Variants in SIPA1L3 observed in about 807,000 individuals in gnomAD.
SIPA1L3 encodes signal induced proliferation associated 1 like 3.
A neutral mutation model predicts 150.1 loss-of-function variants in SIPA1L3; 59 were observed. That is an observed-to-expected ratio of 0.39 (90% CI 0.32 to 0.49). The LOEUF (loss-of-function observed/expected upper bound fraction) is 0.49. Among genes scored for constraint, SIPA1L3 ranks in the 20% least tolerant of loss-of-function variants. The pLI is 0.86. For missense variants in SIPA1L3, 2,211 were observed against 2,489.5 expected (o/e 0.89, Z 2.38); for synonymous variants, 1,070 against 1,077.6 (o/e 0.99, Z 0.14).
rs571106045 is a variant in SIPA1L3 at position 37,939,332 on chromosome 19, C to T, written c.-379+31974C>T. Among the ~76,000 whole-genome samples the T allele has an allele frequency of 5.1e-5, 7 of 137,646 alleles. No individual in the cohort carries two copies. In the East Asian group the frequency reaches 8.6e-4, roughly 17 times the overall value. 90.3% of individuals were successfully genotyped at this position (137,646 alleles called of 152,430 possible). On this transcript the variant is annotated intron_variant, in intron 1 of 21. Transcript: ENST00000222345. ...AGGAGAATTGCTTGAATCCAGGAGG[C>T]GGAGGCTGCAGTGAGCCGAGATTGC...
chr19:38,029,915 C>T (rs974415658), intron 2 of SIPA1L3, among the ~76,000 whole-genome samples: 4 of 149,148 alleles, frequency 2.7e-5, no homozygotes, highest in African/African-American at 7.4e-5. Context: ...AGTGCAGTGG[C>T]GCCATCTCAG....
At chr19:38,010,309 G>T (rs28403465) in intron 1 of SIPA1L3, among the ~76,000 whole-genome samples, 12 of 151,866 alleles carry the variant, frequency 7.9e-5, no homozygotes, top group African/African-American at 2.9e-4. Context: ...TTAGGAGGCT[G>T]AAGTGGGAGG....
intron 1 of SIPA1L3, chr19:37,907,642 G>T (rs2046345824): frequency 6.6e-6 from 1 of 152,246 alleles, no homozygotes; most frequent in South Asian, 2.1e-4. Flanking sequence ...GGAAAACCGC[G>T]CCGAACCTCA....
intron 9 of SIPA1L3, among the ~76,000 whole-genome samples, chr19:38,120,141 T>C (rs979428776): frequency 6.6e-6 from 1 of 152,022 alleles, no homozygotes; most frequent in Admixed American, 6.6e-5. Context: ...TGGACACTGA[T>C]AGAAAGTATA....
At chr19:38,078,617 C>T (rs372568179) in intron 2 of SIPA1L3, among the ~76,000 whole-genome samples, 12 of 151,832 alleles carry the variant, frequency 7.9e-5, no homozygotes, top group African/African-American at 2.4e-4. Flanking sequence ...GACACATACA[C>T]GCAGAAGAGG....
At chr19:38,001,377 A>G (rs371561848) in intron 1 of SIPA1L3, among the ~76,000 whole-genome samples, 23 of 152,118 alleles carry the variant, frequency 1.5e-4, no homozygotes, top group East Asian at 1.4e-3. Context: ...AAAGAACTCT[A>G]ATTCTTTTGT....
intron 15 of SIPA1L3, among the ~76,000 whole-genome samples, chr19:38,177,734 A>T (rs1349865211): frequency 6.7e-6 from 1 of 150,088 alleles, no homozygotes; most frequent in Admixed American, 6.7e-5. Flanking sequence ...GATCATAAGG[A>T]TATGCTTGCG....
At chr19:38,178,901 C>T (rs1972501898) in intron 15 of SIPA1L3, among the ~76,000 whole-genome samples, 1 of 152,198 alleles carries the variant, frequency 6.6e-6, no homozygotes, top group Non-Finnish European at 1.5e-5. Context: ...GACATCTCCT[C>T]ACCAATGCCT....
In SIPA1L3 at chr19:37,954,390, C is replaced by T. The variant is rs558449071; in HGVS notation, c.-379+47032C>T. On this transcript the variant is annotated intron_variant, in intron 1 of 21. Transcript: ENST00000222345. ...TATTGTTCACTAAAGGCTACTTCCCCGAAACCAATATTGATGTTGTGTGTT... is the reference window on the plus strand; with the variant it reads ...TATTGTTCACTAAAGGCTACTTCCCTGAAACCAATATTGATGTTGTGTGTT... 2.2e-3 allele frequency among the ~76,000 whole-genome samples: 334 copies of T among 152,100 alleles called. 1 individual carries two copies. The highest frequency in any genetic ancestry group is 3.4e-3 in the Non-Finnish European group (228 of 68,008).
At chr19:38,107,978 A>C (rs771916873) in intron 7 of SIPA1L3, among the ~76,000 whole-genome samples, 1 of 151,558 alleles carries the variant, frequency 6.6e-6, no homozygotes, top group Non-Finnish European at 1.5e-5. Flanking sequence ...CTCTGTCTCA[A>C]AAGAGAAAAA....
At chr19:38,076,825 G>A (rs1001277960) in intron 2 of SIPA1L3, among the ~76,000 whole-genome samples, 2 of 152,206 alleles carry the variant, frequency 1.3e-5, no homozygotes, top group Non-Finnish European at 2.9e-5. Flanking sequence ...AATTCATGAA[G>A]CTGTCACTGC....
Position 38,119,639 on chromosome 19 carries a change from G to A in SIPA1L3, c.2625G>A (p.Val875=), listed in dbSNP as rs142133816. 3.1e-4 allele frequency: 501 copies of A among 1,614,084 alleles called. No individual in the cohort carries two copies. The highest frequency in any genetic ancestry group is 4.1e-4 in the Non-Finnish European group (481 of 1,180,028). The stretch of plus-strand genomic sequence containing the variant: ...GTGCAGGGGCCATCGCCTGGAGGGT[G>A]GTGGCCCAGGACTACGCCCAGGGGG... ...QHSAGAIAWR[V]VAQDYAQGVE... is the part of the protein sequence containing the mutation. The change falls in exon 9 of 22, where the codon GTG becomes GTA. Residue 875 remains valine (V), a synonymous_variant. Transcript: ENST00000222345.
chr19:38,197,074 C>T (rs1348355917), intron 18 of SIPA1L3, among the ~76,000 whole-genome samples: 3 of 152,110 alleles, frequency 2.0e-5, no homozygotes, highest in East Asian at 1.9e-4. Flanking sequence ...GGCAAGGCAG[C>T]GCCTCGCTCG....
At chr19:38,096,556 T>C (rs1177127247) in intron 4 of SIPA1L3, among the ~76,000 whole-genome samples, 1 of 152,046 alleles carries the variant, frequency 6.6e-6, no homozygotes, top group Non-Finnish European at 1.5e-5. Flanking sequence ...GCCTCCTCCT[T>C]AGTCTTTAAA....
rs774801235 is a variant in SIPA1L3 at position 38,141,401 on chromosome 19, C to T, written c.3361C>T (p.Pro1121Ser). 6.2e-7 allele frequency: 1 copy of T among 1,612,418 alleles called. No individual in the cohort carries two copies. Among genetic ancestry groups the T allele is most frequent in the South Asian group, 1.1e-5 (1 of 91,078 alleles). The change falls in exon 11 of 22, where the codon CCC (proline) becomes TCC (serine). Residue 1121 changes from proline to serine, a missense_variant. This residue lies in a region of SIPA1L3 where 806 missense variants were observed against 870.1 expected (regional missense o/e 0.93). Coordinates refer to ENST00000222345, the MANE Select transcript of SIPA1L3 (RefSeq NM_015073.3). ...SRPLKQTPIV[P>S]FRESQPLHSK... ...GCCCCTGAAGCAGACCCCCATAGTC[C>T]CCTTCCGGGAGTCCCAGCCACTGCA...
intron 20 of SIPA1L3, 47 bp from the exon 21 acceptor site, chr19:38,204,080 C>T (rs1441512315): frequency 6.7e-7 from 1 of 1,493,456 alleles, no homozygotes; most frequent in Admixed American, 2.0e-5. Flanking sequence ...GAAGCCTTCC[C>T]CAGGGGCTTT....
intron 4 of SIPA1L3, among the ~76,000 whole-genome samples, chr19:38,099,178 G>A (rs929209999): frequency 6.6e-6 from 1 of 152,090 alleles, no homozygotes; most frequent in South Asian, 2.1e-4. Context: ...TGGGATTACA[G>A]GTGCATGCCA....
chr19:38,187,929 GAGGTTGC>G (rs1972723610), intron 16 of SIPA1L3, among the ~76,000 whole-genome samples: 1 of 151,572 alleles, frequency 6.6e-6, no homozygotes, highest in Non-Finnish European at 1.5e-5. Flanking sequence ...CCAGGAAGCG[GAGGTTGC>G]AGTGAGCCGA....
At chr19:38,190,320 G>T (rs1337388035) in intron 16 of SIPA1L3, among the ~76,000 whole-genome samples, 1 of 152,178 alleles carries the variant, frequency 6.6e-6, no homozygotes, top group East Asian at 1.9e-4. Context: ...AAATCAAAAG[G>T]GGTGGGGGAG....
Sources: allele counts gnomAD v4.1 joint callset (sites outside exome capture counted in the v4.1 genomes callset), GRCh38; gene constraint gnomAD v4.1.1; regional missense constraint gnomAD v4.1.1; transcripts MANE v1.5; gene names NCBI Gene and HGNC (gene_info 2026-07-23, HGNC 2026-07-21).